ARFGEF1: variants seen among roughly 807,000 people sequenced by gnomAD.
ARFGEF1 encodes brefeldin A-inhibited guanine nucleotide-exchange protein 1.
ARFGEF1 carries 42 observed loss-of-function variants against 231.0 expected under a neutral mutation model. The observed-to-expected ratio is 0.18, with a 90% CI of 0.14 to 0.24. The LOEUF (loss-of-function observed/expected upper bound fraction) is 0.24. Ranked by LOEUF, ARFGEF1 falls within the 10% of genes least tolerant of loss-of-function variation. ARFGEF1 has a pLI of 1.00. For synonymous variants in ARFGEF1, 710 were observed against 732.3 expected (o/e 0.97, Z 0.49); for missense variants, 1,345 against 2,192.0 (o/e 0.61, Z 7.72).
chr8:67,253,442 G>T lies in ARFGEF1; in HGVS notation c.2698+9C>A. 2 of 1,508,538 alleles carry T rather than the reference G, an allele frequency of 1.3e-6. No individual in the cohort carries two copies. The highest frequency in any genetic ancestry group is 1.8e-6 in the Non-Finnish European group (2 of 1,102,700). 93.4% of individuals were successfully genotyped at this position (1,508,538 alleles called of 1,614,324 possible). ...GAACAATCAGAATTCAATTAATTTA[G>T]ATACTTACTCTGTTTACTTGATTTT... On this transcript the variant is annotated intron_variant, in intron 18 of 38. Coordinates refer to ENST00000262215, the MANE Select transcript of ARFGEF1 (RefSeq NM_006421.5).
intron 27 of ARFGEF1, 96 bp downstream of exon 27, chr8:67,227,041 G>C: frequency 8.8e-7 from 1 of 1,137,494 alleles, no homozygotes; most frequent in East Asian, 2.4e-5. Context: ...TAAACTTAAA[G>C]GCCATAATCT....
chr8:67,216,841 CTTTTAGAAAAAAATTAAGTGGCAT>C (rs571689169), intron 32 of ARFGEF1, among the ~76,000 whole-genome samples, 179 bp from the exon 33 acceptor site: 1 of 152,142 alleles, frequency 6.6e-6, no homozygotes, highest in African/African-American at 2.4e-5. Flanking sequence ...AAAATATGTA[CTTTTAGAAAAAAATTAAGTGGCAT>C]TTAATATAAT....
rs776848998 is a variant in ARFGEF1, at chr8:67,267,459, A to C, written c.1573-17T>G. 4.4e-5 allele frequency: 64 copies of C among 1,463,540 alleles called. No homozygotes were observed. In the Admixed American group the frequency reaches 5.1e-4, roughly 12 times the overall value. The allele number at this position is 1,463,540 out of a possible 1,614,324, so 90.7% of individuals were successfully genotyped here. Reference sequence around the variant, plus strand: ...AAAGAACACCTGTGATTAGGAGAAAACTTCTGTTTAAAATATTGTTTAGAA... The same window carrying C: ...AAAGAACACCTGTGATTAGGAGAAACCTTCTGTTTAAAATATTGTTTAGAA... On this transcript the variant is annotated splice_polypyrimidine_tract_variant and intron_variant, in intron 10 of 38. Coordinates refer to ENST00000262215, the MANE Select transcript of ARFGEF1 (RefSeq NM_006421.5).
In ARFGEF1 at chr8:67,296,561, G is replaced by A. The variant is rs749383940; in HGVS notation, c.509C>T (p.Thr170Ile). 1.2e-6 allele frequency: 2 copies of A among 1,613,434 alleles called. No individual in the cohort carries two copies. Among genetic ancestry groups the A allele is most frequent in the African/African-American group, 2.7e-5 (2 of 74,830 alleles). ...TSQHIEIHEG[T>I]VLQAVRTCYN... ...ACATGTTCTCACAGCTTGCAGTACA[G>A]TCCCTTCATGAATTTCTATGTGTTG... Residue 170 changes from threonine (T) to isoleucine (I), a missense_variant, in exon 5 of 39, where the codon ACT becomes ATT. Physicochemically the swap from Thr to Ile is moderately conservative, Grantham distance 89. Transcript: ENST00000262215.
In ARFGEF1 at chr8:67,179,950, G is replaced by C. The variant is rs775352141; in HGVS notation, c.561-4378C>G. Reference sequence around the variant, plus strand: ...TGGTGAGTATATTTATTTTATTAAGGCTATATTGTTTAAATATTAAACCTT... The same window carrying C: ...TGGTGAGTATATTTATTTTATTAAGCCTATATTGTTTAAATATTAAACCTT... On this transcript the variant is annotated intron_variant, in intron 5 of 5. Transcript: ENST00000518789. 8.3e-6 allele frequency: 11 copies of C among 1,332,478 alleles called. No individual in the cohort carries two copies. The Admixed American group carries it at 1.7e-4, about 21-fold the overall frequency. 82.5% of individuals were successfully genotyped at this position (1,332,478 alleles called of 1,614,324 possible).
intron 7 of ARFGEF1, among the ~76,000 whole-genome samples, chr8:67,281,248 T>G (rs1805522577): frequency 6.6e-6 from 1 of 152,120 alleles, no homozygotes; most frequent in Non-Finnish European, 1.5e-5. Context: ...ATTCAACATC[T>G]GTATAGTGTG....
At chr8:67,337,461 C>T (rs984157875) in intron 1 of ARFGEF1, among the ~76,000 whole-genome samples, 4 of 152,092 alleles carry the variant, frequency 2.6e-5, no homozygotes, top group Non-Finnish European at 5.9e-5. Context: ...ATCACCCTTT[C>T]CACCACCACC....
At position 67,210,825 on chromosome 8, in the gene ARFGEF1, C is replaced by T. The variant is rs182138745; in HGVS notation, c.4819+658G>A. 8.5e-3 allele frequency among the ~76,000 whole-genome samples: 1,298 copies of T among 151,972 alleles called. 14 individuals carry two copies. The highest frequency in any genetic ancestry group is 0.029 in the African/African-American group (1,222 of 41,444). On this transcript the variant is annotated intron_variant, in intron 34 of 38. Coordinates refer to ENST00000262215, the MANE Select transcript of ARFGEF1 (RefSeq NM_006421.5). The stretch of plus-strand genomic sequence containing the variant: ...ATCCCAGCACTTTGGGAGGCTGAGG[C>T]GGGCGGATCATAAGGTCAGGAGTTT...
intron 5 of ARFGEF1, among the ~76,000 whole-genome samples, chr8:67,190,059 C>T (rs1025732234): frequency 6.6e-6 from 1 of 152,138 alleles, no homozygotes; most frequent in Non-Finnish European, 1.5e-5. Context: ...CCATAATACC[C>T]AGCAATTTCA....
intron 36 of ARFGEF1, 83 bp downstream of exon 36, chr8:67,203,000 C>T: frequency 7.2e-7 from 1 of 1,393,410 alleles, no homozygotes; most frequent in Middle Eastern, 1.9e-4. Flanking sequence ...CTATAGCAGA[C>T]AGTCAATGAG....
chr8:67,274,439 C>A (rs1403427550), intron 9 of ARFGEF1, among the ~76,000 whole-genome samples: 1 of 151,904 alleles, frequency 6.6e-6, no homozygotes, highest in African/African-American at 2.4e-5. Flanking sequence ...ACAGTCAAGT[C>A]AAGAAGGTCT....
chr8:67,282,247 T>C (rs978076386), intron 7 of ARFGEF1, among the ~76,000 whole-genome samples: 1 of 152,092 alleles, frequency 6.6e-6, no homozygotes, highest in Non-Finnish European at 1.5e-5. Flanking sequence ...AAATAGCTCA[T>C]TACAACTGTA....
chr8:67,301,375 G>A lies in ARFGEF1; in HGVS notation c.161C>T (p.Pro54Leu), dbSNP rs972627593. The change falls in exon 3 of 39, where the codon CCT (proline) becomes CTT (leucine). Residue 54 changes from proline to leucine, a missense_variant. By Grantham distance (98) the Pro-to-Leu change is moderately conservative (BLOSUM62 -3). Around this residue, in one of 14 missense-constraint regions of ARFGEF1, gnomAD observed 398 missense variants for 463.2 expected, o/e 0.86. Coordinates refer to ENST00000262215, the MANE Select transcript of ARFGEF1 (RefSeq NM_006421.5). ...TGATCCAGCTTTTGCTTCTCCATGAGGAGGACTAAATGAGAAAGAAAAGTC... is the reference window on the plus strand; with the variant it reads ...TGATCCAGCTTTTGCTTCTCCATGAAGAGGACTAAATGAGAAAGAAAAGTC... ...IKAETEKQSPPHGEAKAGSST... is the reference protein window; with the variant it reads ...IKAETEKQSPLHGEAKAGSST... 6.2e-7 allele frequency: 1 copy of A among 1,611,570 alleles called. No individual in the cohort carries two copies. Among genetic ancestry groups the A allele is most frequent in the African/African-American group, 1.3e-5 (1 of 74,900 alleles).
At position 67,320,674 on chromosome 8, in the gene ARFGEF1, C is replaced by T. The variant is rs151315899; in HGVS notation, c.125-18208G>A. On this transcript the variant is annotated intron_variant, in intron 1 of 38. Coordinates refer to ENST00000262215, the MANE Select transcript of ARFGEF1 (RefSeq NM_006421.5). ...CACTCAGCAGTAAAAAAGAAACAGA[C>T]AGTCAGGCGTGGTGGCTCACGCCTA... Among the ~76,000 whole-genome samples, 800 of 152,204 alleles carry T rather than the reference C, an allele frequency of 5.3e-3. 4 individuals carry two copies. The highest frequency in any genetic ancestry group is 0.018 in the African/African-American group (736 of 41,532).
At chr8:67,322,240 G>A (rs1420770526) in intron 1 of ARFGEF1, among the ~76,000 whole-genome samples, 1 of 152,088 alleles carries the variant, frequency 6.6e-6, no homozygotes. Flanking sequence ...TACCATTCCT[G>A]CTGTACACTT....
rs1479253199 is a variant in ARFGEF1 at position 67,343,181 on chromosome 8, G to A, written c.107C>T (p.Ala36Val). Residue 36 changes from alanine to valine, a missense_variant, in exon 1 of 39, where the codon GCT becomes GTT. By Grantham distance (64) the Ala-to-Val change is moderately conservative. Around this residue, in one of 14 missense-constraint regions of ARFGEF1, gnomAD observed 398 missense variants for 463.2 expected, o/e 0.86. Coordinates refer to ENST00000262215, the MANE Select transcript of ARFGEF1 (RefSeq NM_006421.5). Reference protein sequence around the residue: ...KKAHHSQLRKACEVALEEIKA... With the variant: ...KKAHHSQLRKVCEVALEEIKA... ...CCGCTCACCTAACGCCACCTCGCAAGCTTTGCGCAGCTGGGAGTGATGCGC... is the reference window on the plus strand; with the variant it reads ...CCGCTCACCTAACGCCACCTCGCAAACTTTGCGCAGCTGGGAGTGATGCGC... The A allele has an allele frequency of 7.7e-6, 12 of 1,549,334 alleles. No individual in the cohort carries two copies. Among genetic ancestry groups the A allele is most frequent in the Non-Finnish European group, 1.1e-5 (12 of 1,139,598 alleles).
At chr8:67,296,756 T>C (rs1333546458) in intron 4 of ARFGEF1, 146 bp from the exon 5 acceptor site, 1 of 595,212 alleles carries the variant, frequency 1.7e-6, no homozygotes, top group African/African-American at 1.9e-5. Context: ...ACTTAAGTGA[T>C]CCTCTCGCAG....
chr8:67,319,963 G>A (rs1323791847), intron 1 of ARFGEF1, among the ~76,000 whole-genome samples: 1 of 152,102 alleles, frequency 6.6e-6, no homozygotes, highest in Non-Finnish European at 1.5e-5. Flanking sequence ...GCTCACACCT[G>A]TAATCCTAGC....
chr8:67,207,997 C>T (rs1838582375), intron 34 of ARFGEF1, among the ~76,000 whole-genome samples: 2 of 152,194 alleles, frequency 1.3e-5, no homozygotes, highest in Non-Finnish European at 2.9e-5. Flanking sequence ...AGACCAAGTC[C>T]TGCCCTCACA....
Sources: gnomAD v4.1 joint callset for allele counts (sites outside exome capture counted in the v4.1 genomes callset) on GRCh38, gnomAD v4.1.1 for gene constraint, gnomAD v4.1.1 regional missense constraint, MANE v1.5 for transcripts, NCBI Gene and HGNC (gene_info 2026-07-23, HGNC 2026-07-21) for gene names.